PRKCB: variants seen among roughly 807,000 people sequenced by gnomAD.
PRKCB encodes the protein protein kinase C beta, also known as protein kinase C beta type.
A neutral mutation model predicts 81.5 loss-of-function variants in PRKCB; 13 were observed. That is an observed-to-expected ratio of 0.16 (90% CI 0.10 to 0.25). PRKCB has a LOEUF of 0.25. Among genes scored for constraint, PRKCB ranks in the 10% least tolerant of loss-of-function variants. The probability of loss-of-function intolerance (pLI) is 1.00; values close to 1 mark genes in which losing one functional copy is unlikely to be tolerated. For synonymous variants in PRKCB, 335 were observed against 321.4 expected (o/e 1.04, Z -0.45); for missense variants, 509 against 875.7 (o/e 0.58, Z 5.29).
At chr16:23,910,650 TTTAA>T (rs1172749663) in intron 2 of PRKCB, among the ~76,000 whole-genome samples, 1 of 150,716 alleles carries the variant, frequency 6.6e-6, no homozygotes, top group African/African-American at 2.4e-5. Flanking sequence ...AAAATAATGT[TTTAA>T]TTGAGATAAA....
chr16:24,180,712 A>G (rs1967606340), intron 12 of PRKCB, 78 bp from the exon 13 acceptor site: 10 of 1,528,458 alleles, frequency 6.5e-6, no homozygotes, highest in South Asian at 2.5e-5. Context: ...ACAGTGTTTT[A>G]TGCATAATGA....
chr16:23,922,988 T>C (rs1195165099), intron 2 of PRKCB, among the ~76,000 whole-genome samples: 1 of 152,146 alleles, frequency 6.6e-6, no homozygotes, highest in Admixed American at 6.5e-5. Flanking sequence ...CTTTTTTTCC[T>C]GCCTCCTAGC....
At chr16:24,040,056 C>T (rs1965680461) in intron 5 of PRKCB, among the ~76,000 whole-genome samples, 1 of 152,134 alleles carries the variant, frequency 6.6e-6, no homozygotes, top group Non-Finnish European at 1.5e-5. Context: ...GCCGTTTGCC[C>T]TGAGTGTCAT....
rs573471729 is a variant in PRKCB, at chr16:23,914,108, TCTTG to T, written c.206-74396_206-74393del. On this transcript the variant is annotated intron_variant, in intron 2 of 16. Transcript: ENST00000643927. ...GCCTCAAATTCCCAGGCTCAAGCAA[TCTTG>T]CTTCAGCCTCCCGAGTTCCTAAGTA... Among the ~76,000 whole-genome samples the T allele has an allele frequency of 2.2e-3, 340 of 152,226 alleles. 2 individuals are homozygous for T. The highest frequency in any genetic ancestry group is 7.6e-3 in the African/African-American group (315 of 41,546).
intron 7 of PRKCB, among the ~76,000 whole-genome samples, chr16:24,110,123 GGGAGAGGGA>G (rs1481094221): frequency 1.6e-4 from 19 of 122,198 alleles, no homozygotes; most frequent in African/African-American, 6.8e-4. Context: ...GAGAGGGAGA[GGGAGAGGGA>G]GAGGGAGAGG....
intron 7 of PRKCB, among the ~76,000 whole-genome samples, chr16:24,101,140 G>A (rs961885993): frequency 2.0e-5 from 3 of 152,186 alleles, no homozygotes; most frequent in Non-Finnish European, 4.4e-5. Context: ...ACATGTCTCT[G>A]GAGCCAGAAT....
intron 2 of PRKCB, among the ~76,000 whole-genome samples, chr16:23,938,753 A>C (rs1276041813): frequency 6.6e-6 from 1 of 152,246 alleles, no homozygotes; most frequent in African/African-American, 2.4e-5. Context: ...GTAAAACTAG[A>C]AGTTAATAAC....
chr16:23,963,028 G>A (rs1413035452), intron 2 of PRKCB: 1 of 152,154 alleles, frequency 6.6e-6, no homozygotes, highest in Non-Finnish European at 1.5e-5. Flanking sequence ...ACTTCCCTTA[G>A]AACAATGGCC....
chr16:24,207,071 CA>C (rs1375766809), intron 16 of PRKCB, among the ~76,000 whole-genome samples: 2 of 152,222 alleles, frequency 1.3e-5, no homozygotes, highest in Non-Finnish European at 2.9e-5. Flanking sequence ...GCTGGGACTA[CA>C]GGCATGTGGC....
chr16:24,033,526 C>A (rs1376952002), intron 4 of PRKCB, among the ~76,000 whole-genome samples: 1 of 152,106 alleles, frequency 6.6e-6, no homozygotes, highest in East Asian at 1.9e-4. Flanking sequence ...CTTTGGGAGG[C>A]TGAGGCGGGT....
intron 2 of PRKCB, among the ~76,000 whole-genome samples, chr16:23,894,916 A>C (rs1963353214): frequency 6.6e-6 from 1 of 151,940 alleles, no homozygotes; most frequent in South Asian, 2.1e-4. Context: ...TGCTATTTTC[A>C]TCAAAACATC....
chr16:24,071,229 C>T (rs1359611483), intron 5 of PRKCB, among the ~76,000 whole-genome samples: 2 of 152,042 alleles, frequency 1.3e-5, no homozygotes, highest in Non-Finnish European at 2.9e-5. Context: ...TTGAGACTTA[C>T]TCTGCCTTCA....
At chr16:23,867,676 C>T (rs527506182) in intron 2 of PRKCB, among the ~76,000 whole-genome samples, 1 of 152,288 alleles carries the variant, frequency 6.6e-6, no homozygotes, top group South Asian at 2.1e-4. Context: ...TGGTTTAGCT[C>T]TTGAAGCCTA....
At chr16:23,937,050 C>G (rs766712267) in intron 2 of PRKCB, among the ~76,000 whole-genome samples, 1 of 152,122 alleles carries the variant, frequency 6.6e-6, no homozygotes. Flanking sequence ...CCATTGGTGG[C>G]TTTGAGGAAC....
chr16:24,162,833 C>T (rs977577904), intron 10 of PRKCB, among the ~76,000 whole-genome samples: 2 of 152,128 alleles, frequency 1.3e-5, no homozygotes, highest in African/African-American at 4.8e-5. Flanking sequence ...AAAGCCCTGA[C>T]TTGACCACTA....
At chr16:23,872,633 G>T (rs1349464723) in intron 2 of PRKCB, among the ~76,000 whole-genome samples, 4 of 152,174 alleles carry the variant, frequency 2.6e-5, no homozygotes, top group Admixed American at 1.3e-4. Context: ...CTTTTGGGAA[G>T]TTACTTAACC....
At chr16:23,879,367 T>C (rs4307954) in intron 2 of PRKCB, among the ~76,000 whole-genome samples, 119,351 of 151,952 alleles carry the variant, frequency 0.79, 46,991 homozygotes, top group East Asian at 0.98. Flanking sequence ...AGGATGAAGT[T>C]CAGCAATACT....
At chr16:24,170,028 C>T (rs1198246277) in intron 10 of PRKCB, among the ~76,000 whole-genome samples, 3 of 152,248 alleles carry the variant, frequency 2.0e-5, no homozygotes, top group Non-Finnish European at 4.4e-5. Context: ...GAGATCTGCC[C>T]GCCTCAGTCT....
chr16:23,894,442 C>T (rs1485711952), intron 2 of PRKCB, among the ~76,000 whole-genome samples: 1 of 152,204 alleles, frequency 6.6e-6, no homozygotes, highest in Non-Finnish European at 1.5e-5. Context: ...AACTAATTTA[C>T]ACACCACCTA....
Sources: allele counts gnomAD v4.1 joint callset (sites outside exome capture counted in the v4.1 genomes callset), GRCh38; gene constraint gnomAD v4.1.1; transcripts MANE v1.5; gene names NCBI Gene and HGNC (gene_info 2026-07-23, HGNC 2026-07-21).